The following TEX9 variants were observed in gnomAD, a reference collection of about 807,000 sequenced individuals.
The protein encoded by TEX9 is testis expressed 9.
In TEX9, 74 loss-of-function variants were observed where a neutral mutation model predicts 59.6. The observed-to-expected ratio is 1.24, with a 90% confidence interval of 1.03 to 1.51. The LOEUF (loss-of-function observed/expected upper bound fraction) is 1.51, where lower values mean the gene tolerates loss of function less well. Ranked by LOEUF, TEX9 falls within the 40% of genes most tolerant of loss-of-function variation. TEX9 has a pLI of 0.00. For missense variants in TEX9, 522 were observed against 447.8 expected (o/e 1.17, Z -1.49); for synonymous variants, 186 against 152.2 (o/e 1.22, Z -1.64).
chr15:56,430,606 T>C (rs1418420075), intron 12 of TEX9, among the ~76,000 whole-genome samples: 2 of 152,262 alleles, frequency 1.3e-5, no homozygotes, highest in African/African-American at 4.8e-5. Flanking sequence ...TATAACTTCC[T>C]ACTGTAGAGC....
chr15:56,300,685 CAG>C (rs71110380), intron 1 of TEX9, among the ~76,000 whole-genome samples: 13 of 115,664 alleles, frequency 1.1e-4, no homozygotes, highest in East Asian at 6.2e-4. Context: ...AGCAACTCAG[CAG>C]AGAGAGAGAG....
chr15:56,309,693 G>GTGT lies in TEX9; in HGVS notation c.-106-63747_-106-63746insGTT, dbSNP rs2045561026. Reference sequence around the variant, plus strand: ...TCTGGGCCTGGGATTTTTATGGGAAGTTTTTTTTTTTTTTTTTTTTTTTTT... The same window carrying GTGT: ...TCTGGGCCTGGGATTTTTATGGGAAGTGTTTTTTTTTTTTTTTTTTTTTTTTTT... On this transcript the variant is annotated intron_variant, in intron 1 of 5. Coordinates refer to the TEX9 transcript ENST00000560827. 8.2e-5 allele frequency among the ~76,000 whole-genome samples: 5 copies of GTGT among 60,786 alleles called. No individual in the cohort carries two copies. In the South Asian group the frequency reaches 4.9e-3, roughly 59 times the overall value. 39.9% of individuals were successfully genotyped at this position (60,786 alleles called of 152,430 possible).
chr15:56,452,582 G>A, the TEX9 span, among the ~76,000 whole-genome samples: 1 of 150,136 alleles, frequency 6.7e-6, no homozygotes, highest in African/African-American at 2.5e-5. Context: ...GCAGTGGCGC[G>A]ATCTTGGCTC....
chr15:56,295,694 G>A (rs1021043798), intron 1 of TEX9, among the ~76,000 whole-genome samples: 3 of 152,174 alleles, frequency 2.0e-5, no homozygotes, highest in Non-Finnish European at 4.4e-5. Context: ...TTACTACTTT[G>A]TATGCCTAGG....
chr15:56,424,791 A>G (rs2050162828), intron 10 of TEX9, among the ~76,000 whole-genome samples: 1 of 152,182 alleles, frequency 6.6e-6, no homozygotes, highest in Admixed American at 6.6e-5. Context: ...GTTGTCAACC[A>G]AAATTAAAAT....
At chr15:56,314,744 G>A (rs2045712002) in intron 1 of TEX9, among the ~76,000 whole-genome samples, 1 of 150,684 alleles carries the variant, frequency 6.6e-6, no homozygotes, top group Non-Finnish European at 1.5e-5. Context: ...AATGTTGACA[G>A]TGGGGTGTTA....
downstream of TEX9, among the ~76,000 whole-genome samples, chr15:56,448,751 CTTTTTTTTT>C (rs34366643): frequency 3.4e-5 from 4 of 117,678 alleles, no homozygotes; most frequent in Admixed American, 1.8e-4. Context: ...TTTTTAGATT[CTTTTTTTTT>C]TTTTTTTTTT....
intron 1 of TEX9, among the ~76,000 whole-genome samples, chr15:56,291,545 C>A (rs1596068993): frequency 2.0e-5 from 3 of 152,144 alleles, no homozygotes; most frequent in African/African-American, 7.2e-5. Flanking sequence ...ACCTCACATA[C>A]TTATCATTTC....
At position 56,330,277 on chromosome 15, in the gene TEX9, T is replaced by C. The variant is rs375219924; in HGVS notation, c.-106-43164T>C. On this transcript the variant is annotated intron_variant, in intron 1 of 5. Transcript: ENST00000560827. ...ACCAGACCTGCTCTATAAGAAATGC[T>C]AAAGGGGGTACTTCAATCTGAAAGA... is the stretch of plus-strand genomic sequence containing the variant. Among the ~76,000 whole-genome samples, 3 of 152,214 alleles carry C rather than the reference T, an allele frequency of 2.0e-5. 1 individual carries two copies. The highest frequency in any genetic ancestry group is 6.5e-5 in the Admixed American group (1 of 15,296).
chr15:56,428,515 A>T (rs2050438807), intron 12 of TEX9: 1 of 1,048,078 alleles, frequency 9.5e-7, no homozygotes, highest in African/African-American at 1.6e-5. Context: ...AGTGGTTTGA[A>T]TTATTTTTAT....
chr15:56,330,676 C>T (rs2046121172), intron 1 of TEX9, among the ~76,000 whole-genome samples: 1 of 151,164 alleles, frequency 6.6e-6, no homozygotes, highest in Non-Finnish European at 1.5e-5. Flanking sequence ...ACAACAGATA[C>T]ACAGAAAATA....
At chr15:56,441,478 C>T (rs2050813373) in intron 12 of TEX9, among the ~76,000 whole-genome samples, 1 of 152,040 alleles carries the variant, frequency 6.6e-6, no homozygotes, top group South Asian at 2.1e-4. Context: ...CATTGAAATA[C>T]CATTCTGGAC....
chr15:56,254,698 G>A (rs1044496825), intron 1 of TEX9, among the ~76,000 whole-genome samples: 7 of 151,400 alleles, frequency 4.6e-5, no homozygotes, highest in Non-Finnish European at 1.0e-4. Flanking sequence ...AATACCTAAC[G>A]AAAGAGAGTT....
chr15:56,456,415 C>G, the TEX9 span: 22 of 1,608,888 alleles, frequency 1.4e-5, no homozygotes, highest in Non-Finnish European at 1.9e-5. Context: ...TACTTGTTGC[C>G]TCATCTTTTC....
At chr15:56,372,963 G>T (rs2142029094) in intron 2 of TEX9, among the ~76,000 whole-genome samples, 1 of 152,202 alleles carries the variant, frequency 6.6e-6, no homozygotes, top group African/African-American at 2.4e-5. Flanking sequence ...GCCACGTTGG[G>T]TCTGCTCACT....
intron 10 of TEX9, among the ~76,000 whole-genome samples, chr15:56,417,497 G>A (rs1396934251): frequency 6.6e-6 from 1 of 151,824 alleles, no homozygotes; most frequent in African/African-American, 2.4e-5. Context: ...GTAACTGCAT[G>A]GTTTTGAGTG....
chr15:56,433,134 C>A (rs2050643011), intron 12 of TEX9, among the ~76,000 whole-genome samples: 2 of 151,976 alleles, frequency 1.3e-5, no homozygotes, highest in Non-Finnish European at 2.9e-5. Context: ...ATTATTTGCA[C>A]CCTCAAAATC....
rs757233849 is a variant in TEX9 at position 56,443,466 on chromosome 15, C to T, written c.*30-2205C>T. 8.2e-6 allele frequency: 13 copies of T among 1,593,526 alleles called. No homozygotes were observed. In the South Asian group the frequency reaches 1.4e-4, roughly 17 times the overall value. On this transcript the variant is annotated intron_variant, in intron 12 of 12. Coordinates refer to ENST00000352903, the Ensembl canonical transcript of TEX9. ...TCTTATATATTTCAGCTTGTTCTTC[C>T]TGGTATAATTCTTGTCGCACTTGTT...
At chr15:56,270,937 T>G (rs1446937019) in intron 1 of TEX9, among the ~76,000 whole-genome samples, 3 of 152,238 alleles carry the variant, frequency 2.0e-5, no homozygotes, top group African/African-American at 7.2e-5. Context: ...GAAAATTCTT[T>G]TCTTTAAGAC....
Sources: allele counts gnomAD v4.1 joint callset (sites outside exome capture counted in the v4.1 genomes callset), GRCh38; gene constraint gnomAD v4.1.1; transcripts MANE v1.5; gene names NCBI Gene and HGNC (gene_info 2026-07-23, HGNC 2026-07-21).